Variants in THSD4 observed in about 807,000 individuals in gnomAD.
THSD4 encodes the protein thrombospondin type 1 domain containing 4, also known as thrombospondin type-1 domain-containing protein 4.
THSD4 carries 69 observed loss-of-function variants against 119.0 expected under a neutral mutation model. The ratio of observed to expected loss-of-function variants is 0.58; its 90% CI spans 0.48 to 0.71. THSD4 has a LOEUF of 0.71. THSD4 is among the 30% of genes least tolerant of loss of function. THSD4 has a pLI of 0.00. For missense variants in THSD4, 1,393 were observed against 1,391.1 expected (o/e 1.00, Z -0.02); for synonymous variants, 524 against 540.4 (o/e 0.97, Z 0.42).
intron 7 of THSD4, among the ~76,000 whole-genome samples, chr15:71,442,429 C>T (rs1177974650): frequency 2.5e-4 from 37 of 150,208 alleles, no homozygotes; most frequent in African/African-American, 7.8e-4. Context: ...ATTAGCTGGG[C>T]GTGGTGGCAC....
chr15:71,442,658 G>GTGTGTGTTTATGTATGTA (rs1403001889), intron 7 of THSD4, among the ~76,000 whole-genome samples: 1 of 31,348 alleles, frequency 3.2e-5, no homozygotes. Flanking sequence ...GTGTGTGTGT[G>GTGTGTGTTTATGTATGTA]TGTATATATA....
At chr15:71,413,092 A>G (rs1030036755) in intron 7 of THSD4, among the ~76,000 whole-genome samples, 3 of 152,014 alleles carry the variant, frequency 2.0e-5, no homozygotes, top group Non-Finnish European at 4.4e-5. Context: ...GCTCACTGCA[A>G]CCTCTGCCTC....
chr15:71,442,660 G>GTGTATGTATGTATGTATATA, intron 7 of THSD4, among the ~76,000 whole-genome samples: 14 of 25,810 alleles, frequency 5.4e-4, no homozygotes, highest in Non-Finnish European at 9.2e-4. Flanking sequence ...GTGTGTGTGT[G>GTGTATGTATGTATGTATATA]TATATATATA....
At chr15:71,210,965 A>T (rs552860059) in intron 3 of THSD4, among the ~76,000 whole-genome samples, 1 of 152,258 alleles carries the variant, frequency 6.6e-6, no homozygotes, top group Admixed American at 6.5e-5. Context: ...ATAACTTTAT[A>T]TAGTATTTTT....
intron 7 of THSD4, among the ~76,000 whole-genome samples, chr15:71,453,489 T>C (rs1025641504): frequency 1.3e-5 from 2 of 152,198 alleles, no homozygotes; most frequent in African/African-American, 4.8e-5. Flanking sequence ...AATAATACAT[T>C]GGATAATAAT....
chr15:71,736,748 T>C (rs2053120361), intron 10 of THSD4, among the ~76,000 whole-genome samples: 1 of 152,234 alleles, frequency 6.6e-6, no homozygotes, highest in African/African-American at 2.4e-5. Flanking sequence ...GGACATCCAC[T>C]TTACCCTTAA....
chr15:71,727,548 AAAAAAATAT>A (rs2052872056), intron 8 of THSD4, among the ~76,000 whole-genome samples: 1 of 108,144 alleles, frequency 9.2e-6, no homozygotes, highest in African/African-American at 4.3e-5. Flanking sequence ...AAAAAAAAAA[AAAAAAATAT>A]ATATATATAT....
At chr15:71,221,977 G>A (rs2043978994) in intron 4 of THSD4, among the ~76,000 whole-genome samples, 1 of 151,974 alleles carries the variant, frequency 6.6e-6, no homozygotes, top group Admixed American at 6.6e-5. Flanking sequence ...AGTTTGGTTT[G>A]CATTTCCCTA....
chr15:71,590,107 G>C lies in THSD4; in HGVS notation c.1153-70423G>C, dbSNP rs1271384254. 2.9e-5 allele frequency among the ~76,000 whole-genome samples: 4 copies of C among 139,292 alleles called. 1 individual carries two copies. The highest frequency in any genetic ancestry group is 6.5e-5 in the Non-Finnish European group (4 of 61,158). 91.4% of individuals were successfully genotyped at this position (139,292 alleles called of 152,430 possible). ...TAGTGGTTACGGCTGATGAAGGAGA[G>C]AGGGGAATGGAGTTGAGGGAAGGAC... On this transcript the variant is annotated intron_variant, in intron 7 of 17. Coordinates refer to ENST00000261862, the MANE Select transcript of THSD4 (RefSeq NM_024817.3).
At chr15:71,485,612 A>C (rs915113124) in intron 7 of THSD4, among the ~76,000 whole-genome samples, 2 of 152,176 alleles carry the variant, frequency 1.3e-5, no homozygotes, top group African/African-American at 4.8e-5. Context: ...AATTGGAGAC[A>C]GAAGTGCCTG....
rs186402634 is a variant in THSD4, at chr15:71,219,528, C to T, written c.464+4129C>T. Among the ~76,000 whole-genome samples the T allele has an allele frequency of 3.0e-4, 45 of 152,260 alleles. 1 individual carries two copies. Among genetic ancestry groups the T allele is most frequent in the Non-Finnish European group, 5.3e-4 (36 of 68,020 alleles). On this transcript the variant is annotated intron_variant, in intron 4 of 17. Transcript: ENST00000261862. Reference sequence around the variant, plus strand: ...ATTTGTAGGTCAGTTATATGTTCTACGTTTCTTCATTTTAAATGCTTCTGA... The same window carrying T: ...ATTTGTAGGTCAGTTATATGTTCTATGTTTCTTCATTTTAAATGCTTCTGA...
intron 1 of THSD4, among the ~76,000 whole-genome samples, chr15:71,130,046 G>A (rs894511710): frequency 6.6e-6 from 1 of 152,190 alleles, no homozygotes; most frequent in South Asian, 2.1e-4. Flanking sequence ...GAATGGGGCA[G>A]AGCACAACCT....
At chr15:71,247,254 G>A (rs940584962) in intron 5 of THSD4, among the ~76,000 whole-genome samples, 1 of 151,872 alleles carries the variant, frequency 6.6e-6, no homozygotes, top group African/African-American at 2.4e-5. Context: ...ACAGAGTCTC[G>A]CTCTGTTGCC....
At chr15:71,538,811 A>G (rs1004631840) in intron 7 of THSD4, among the ~76,000 whole-genome samples, 1 of 152,220 alleles carries the variant, frequency 6.6e-6, no homozygotes, top group Non-Finnish European at 1.5e-5. Context: ...AATGGTTCCA[A>G]TGCATTGTCT....
chr15:71,372,871 A>C (rs1455715325), intron 6 of THSD4, among the ~76,000 whole-genome samples: 2 of 152,226 alleles, frequency 1.3e-5, no homozygotes, highest in Non-Finnish European at 2.9e-5. Flanking sequence ...CCCTGCCTGC[A>C]GAGGTGGAGT....
intron 8 of THSD4, among the ~76,000 whole-genome samples, chr15:71,695,311 C>T (rs183378510): frequency 2.6e-5 from 4 of 152,106 alleles, no homozygotes; most frequent in East Asian, 1.9e-4. Context: ...CAGATTCTCC[C>T]TTCTATCCTT....
At chr15:71,481,371 CTT>C (rs2047727632) in intron 7 of THSD4, among the ~76,000 whole-genome samples, 1 of 152,150 alleles carries the variant, frequency 6.6e-6, no homozygotes, top group African/African-American at 2.4e-5. Context: ...GTATATAAAA[CTT>C]TGAGAATTTC....
At chr15:71,359,481 G>A (rs1374908906) in intron 6 of THSD4, among the ~76,000 whole-genome samples, 1 of 152,154 alleles carries the variant, frequency 6.6e-6, no homozygotes, top group East Asian at 1.9e-4. Context: ...CCTTCCCAAA[G>A]GTCACTCAGT....
At chr15:71,765,925 C>G (rs1375222054) in intron 16 of THSD4, among the ~76,000 whole-genome samples, 1 of 152,010 alleles carries the variant, frequency 6.6e-6, no homozygotes, top group African/African-American at 2.4e-5. Context: ...AAAATTATGC[C>G]TCACCTAGTA....
Sources: allele counts gnomAD v4.1 joint callset (sites outside exome capture counted in the v4.1 genomes callset), GRCh38; gene constraint gnomAD v4.1.1; transcripts MANE v1.5; gene names NCBI Gene and HGNC (gene_info 2026-07-23, HGNC 2026-07-21).